RNF115: variants seen among roughly 807,000 people sequenced by gnomAD.
The protein encoded by RNF115 is E3 ubiquitin-protein ligase RNF115.
RNF115 carries 31 observed loss-of-function variants against 39.2 expected under a neutral mutation model. The observed-to-expected ratio is 0.79, with a 90% confidence interval of 0.59 to 1.07. RNF115 has a LOEUF of 1.07. Among genes scored for constraint, RNF115 ranks in the 50% least tolerant of loss-of-function variants. The probability of loss-of-function intolerance (pLI) is 0.00; values close to 1 mark genes in which losing one functional copy is unlikely to be tolerated. For missense variants in RNF115, 384 were observed against 381.7 expected, an observed-to-expected ratio of 1.01 and a Z score of -0.05; for synonymous variants, 124 against 131.0, an observed-to-expected ratio of 0.95 and a Z score of 0.37.
At chr1:145,820,277 C>A (rs1398857645) in intron 1 of RNF115, among the ~76,000 whole-genome samples, 1 of 150,816 alleles carries the variant, frequency 6.6e-6, no homozygotes, top group African/African-American at 2.4e-5. Flanking sequence ...CCAGCCGGGG[C>A]AACATGGCAA....
intron 1 of RNF115, among the ~76,000 whole-genome samples, chr1:145,819,780 G>A (rs1410181326): frequency 1.3e-5 from 2 of 152,320 alleles, no homozygotes; most frequent in African/African-American, 4.8e-5. Context: ...GCTCACACCT[G>A]TAATCTCAGC....
At chr1:145,813,213 T>C in intron 1 of RNF115, among the ~76,000 whole-genome samples, 1 of 151,574 alleles carries the variant, frequency 6.6e-6, no homozygotes, top group Middle Eastern at 3.4e-3. Context: ...TATACTTAGG[T>C]AAACTGAGAC....
At chr1:145,784,265 A>G (rs1190277779) in intron 3 of RNF115, among the ~76,000 whole-genome samples, 1 of 152,244 alleles carries the variant, frequency 6.6e-6, no homozygotes, top group African/African-American at 2.4e-5. Context: ...TATATACAAT[A>G]ACAAAGTAGA....
chr1:145,766,349 T>G (rs1248961592), intron 4 of RNF115, among the ~76,000 whole-genome samples: 1 of 152,144 alleles, frequency 6.6e-6, no homozygotes, highest in African/African-American at 2.4e-5. Flanking sequence ...GGCAGAAGAA[T>G]TTTTCTTAGT....
At chr1:145,752,848 A>C (rs1186634816) in intron 5 of RNF115, 130 bp downstream of exon 5, 1 of 619,776 alleles carries the variant, frequency 1.6e-6, no homozygotes, top group Non-Finnish European at 2.8e-6. Flanking sequence ...CGGCCTCCCA[A>C]AGTGCTGGGA....
chr1:145,766,603 G>C (rs1647288910), intron 4 of RNF115, among the ~76,000 whole-genome samples: 1 of 151,306 alleles, frequency 6.6e-6, no homozygotes. Context: ...TCCCGGACGG[G>C]GCGGCTGGCC....
intron 4 of RNF115, among the ~76,000 whole-genome samples, chr1:145,759,511 T>C (rs782700762): frequency 2.6e-4 from 40 of 152,322 alleles, no homozygotes; most frequent in Middle Eastern, 3.4e-3. Flanking sequence ...CAGTAACTCC[T>C]ATCATGAATA....
intron 1 of RNF115, among the ~76,000 whole-genome samples, chr1:145,801,134 G>A (rs1021898494): frequency 3.9e-5 from 6 of 151,944 alleles, no homozygotes; most frequent in African/African-American, 7.2e-5. Flanking sequence ...TTACGACACC[G>A]CACTCCAGCC....
At chr1:145,804,416 A>C (rs1649376771) in intron 1 of RNF115, among the ~76,000 whole-genome samples, 1 of 152,082 alleles carries the variant, frequency 6.6e-6, no homozygotes, top group Non-Finnish European at 1.5e-5. Context: ...TGTGAAGCAA[A>C]ACAAAGCTGG....
At position 145,800,907 on chromosome 1, in the gene RNF115, T is replaced by C. The variant is rs376064026; in HGVS notation, c.103-11941A>G. Among the ~76,000 whole-genome samples the C allele has an allele frequency of 3.0e-3, 458 of 152,280 alleles. 4 individuals are homozygous for C. The South Asian group carries it at 0.043, about 14-fold the overall frequency. Reference sequence around the variant, plus strand: ...GCTTTAGGACGGGCGCAGTGGCTCATGCCTGTAATCCCAGCACTTTGGGAG... The same window carrying C: ...GCTTTAGGACGGGCGCAGTGGCTCACGCCTGTAATCCCAGCACTTTGGGAG... On this transcript the variant is annotated intron_variant, in intron 1 of 8. Transcript: ENST00000582693.
At position 145,823,846 on chromosome 1, in the gene RNF115, C is replaced by A; in HGVS notation, c.28G>T (p.Asp10Tyr). MAEASAAGA[D>Y]SGAAVAAHRF... ...TGGGCGGCTACAGCGGCGCCCGAGT[C>A]CGCCCCGGCCGCCGAAGCCTCCGCC... Residue 10 changes from aspartate to tyrosine, a missense_variant, in exon 1 of 9, where the codon GAC becomes TAC. Transcript: ENST00000582693. 6.4e-7 allele frequency: 1 copy of A among 1,564,198 alleles called. No homozygotes were observed. Among genetic ancestry groups the A allele is most frequent in the Non-Finnish European group, 8.6e-7 (1 of 1,159,480 alleles).
chr1:145,752,907 C>T (rs2101467874), intron 5 of RNF115, 71 bp downstream of exon 5: 1 of 1,127,636 alleles, frequency 8.9e-7, no homozygotes, highest in Non-Finnish European at 1.3e-6. Context: ...TTTTTCTCTA[C>T]TGCACAGAAA....
intron 4 of RNF115, among the ~76,000 whole-genome samples, chr1:145,769,061 T>G (rs182255349): frequency 4.1e-4 from 63 of 152,310 alleles, no homozygotes; most frequent in African/African-American, 1.5e-3. Flanking sequence ...AAAAAATAAG[T>G]GAGAAGGCTA....
At chr1:145,786,399 T>C (rs940207631) in intron 2 of RNF115, among the ~76,000 whole-genome samples, 39 of 152,226 alleles carry the variant, frequency 2.6e-4, no homozygotes, top group Non-Finnish European at 2.4e-4. Flanking sequence ...ATACTGCCTC[T>C]AAGACAAGGA....
intron 1 of RNF115, among the ~76,000 whole-genome samples, chr1:145,821,633 A>T (rs1414254430): frequency 4.9e-4 from 41 of 82,954 alleles, no homozygotes; most frequent in African/African-American, 1.5e-3. Context: ...CACACGGCAA[A>T]TTTTTTTATT....
chr1:145,766,419 C>G (rs782671134), intron 4 of RNF115, among the ~76,000 whole-genome samples: 4 of 152,188 alleles, frequency 2.6e-5, no homozygotes, highest in Non-Finnish European at 5.9e-5. Flanking sequence ...CGGCAACCAT[C>G]TGATTTCTCA....
At chr1:145,793,716 C>T (rs1443458995) in intron 1 of RNF115, among the ~76,000 whole-genome samples, 2 of 152,134 alleles carry the variant, frequency 1.3e-5, no homozygotes, top group African/African-American at 4.8e-5. Flanking sequence ...TCTTTCACCT[C>T]CCACCACTAA....
chr1:145,761,196 A>T (rs1262662826), intron 4 of RNF115, among the ~76,000 whole-genome samples: 1 of 152,216 alleles, frequency 6.6e-6, no homozygotes, highest in Non-Finnish European at 1.5e-5. Flanking sequence ...TTTGTAGCCT[A>T]TGTGACAAAA....
intron 1 of RNF115, among the ~76,000 whole-genome samples, chr1:145,820,252 C>G (rs1553724218): frequency 6.6e-6 from 1 of 150,432 alleles, no homozygotes; most frequent in African/African-American, 2.4e-5. Context: ...ATTGCTTAAG[C>G]CCAGAAATTT....
Sources: allele counts gnomAD v4.1 joint callset (sites outside exome capture counted in the v4.1 genomes callset), GRCh38; gene constraint gnomAD v4.1.1; transcripts MANE v1.5; gene names NCBI Gene and HGNC (gene_info 2026-07-23, HGNC 2026-07-21).